The following MYT1L variants were observed in gnomAD, a reference collection of about 807,000 sequenced individuals.
MYT1L encodes myelin transcription factor 1-like protein.
MYT1L carries 12 observed loss-of-function variants against 126.7 expected under a neutral mutation model. That is an observed-to-expected ratio of 0.09 (90% CI 0.06 to 0.15). The LOEUF (loss-of-function observed/expected upper bound fraction) is 0.15. MYT1L is among the 10% of genes least tolerant of loss of function. MYT1L has a pLI of 1.00. For missense variants in MYT1L, 979 were observed against 1,585.2 expected, an observed-to-expected ratio of 0.62 and a Z score of 6.49; for synonymous variants, 541 against 604.2, an observed-to-expected ratio of 0.90 and a Z score of 1.53.
chr2:2,030,700 G>C (rs1450910989), intron 4 of MYT1L, among the ~76,000 whole-genome samples: 3 of 152,108 alleles, frequency 2.0e-5, no homozygotes, highest in African/African-American at 7.2e-5. Context: ...TTCTTCAATA[G>C]TTTCCTGAGA....
intron 8 of MYT1L, among the ~76,000 whole-genome samples, chr2:1,958,790 C>T (rs1293087620): frequency 6.6e-6 from 1 of 151,382 alleles, no homozygotes; most frequent in African/African-American, 2.4e-5. Context: ...TTCTCTGGCC[C>T]AACCGACTGC....
chr2:2,313,511 T>C (rs2096010075), intron 1 of MYT1L, among the ~76,000 whole-genome samples: 1 of 145,486 alleles, frequency 6.9e-6, no homozygotes, highest in South Asian at 2.3e-4. Flanking sequence ...TAGTTTAAAA[T>C]ACCTGTTTTT....
At position 1,929,994 on chromosome 2, in the gene MYT1L, C is replaced by A. The variant is rs1419633832; in HGVS notation, c.506-6731G>T. ...CATAGGAAGATCCGTGTTTAGCAGG[C>A]ATTCATCTGCTTCGAGTCAGAAAGA... On this transcript the variant is annotated intron_variant, in intron 9 of 24. Transcript: ENST00000647738. This position sits in a 1 kb window ranked among gnomAD's most constrained non-coding sequence, Gnocchi z 4.7. Among the ~76,000 whole-genome samples, 1 of 152,196 alleles carries A rather than the reference C, an allele frequency of 6.6e-6. No individual in the cohort carries two copies. Among genetic ancestry groups the A allele is most frequent in the African/African-American group, 2.4e-5 (1 of 41,458 alleles).
chr2:2,175,564 G>A (rs1003503047), intron 2 of MYT1L, among the ~76,000 whole-genome samples: 15 of 152,006 alleles, frequency 9.9e-5, no homozygotes, highest in African/African-American at 3.6e-4. Flanking sequence ...ACAAATGCCT[G>A]ACAAAAGCCC....
chr2:2,160,992 G>A lies in MYT1L; in HGVS notation c.-304+11880C>T, dbSNP rs191423008. On this transcript the variant is annotated intron_variant, in intron 3 of 24. Transcript: ENST00000647738. The stretch of plus-strand genomic sequence containing the variant: ...AGCACTTTGGGAGGCCAAGGCGGGC[G>A]GATCACTTGAGGTCAGGAGTTTGAG... Among the ~76,000 whole-genome samples, 92 of 152,182 alleles carry A rather than the reference G, an allele frequency of 6.0e-4. No individual in the cohort carries two copies. The East Asian group carries it at 0.015, about 25-fold the overall frequency.
At chr2:2,067,352 A>G (rs994469067) in intron 3 of MYT1L, among the ~76,000 whole-genome samples, 9 of 152,244 alleles carry the variant, frequency 5.9e-5, no homozygotes, top group African/African-American at 2.2e-4. Flanking sequence ...CTTAACAAGT[A>G]GAATGAAAAA....
intron 2 of MYT1L, among the ~76,000 whole-genome samples, chr2:2,220,421 T>C (rs1355691687): frequency 1.3e-5 from 2 of 151,962 alleles, no homozygotes; most frequent in Non-Finnish European, 2.9e-5. Context: ...AGAAGGGAAA[T>C]GTTCAGGTTA....
intron 8 of MYT1L, among the ~76,000 whole-genome samples, chr2:1,962,557 G>A (rs557047308): frequency 3.2e-4 from 49 of 152,152 alleles, no homozygotes; most frequent in African/African-American, 1.1e-3. Context: ...CACATCGATC[G>A]AGACTTCCTT....
chr2:2,123,511 G>C (rs541813844), intron 3 of MYT1L, among the ~76,000 whole-genome samples: 3 of 152,102 alleles, frequency 2.0e-5, no homozygotes, highest in African/African-American at 7.2e-5. Flanking sequence ...CTGTTCTCAC[G>C]ACACTGAGTT....
chr2:1,990,698 G>A (rs1454745655), intron 5 of MYT1L, among the ~76,000 whole-genome samples: 3 of 152,286 alleles, frequency 2.0e-5, no homozygotes, highest in Non-Finnish European at 4.4e-5. Context: ...AGAAGGGAGC[G>A]GCTTGGAGAG....
intron 22 of MYT1L, among the ~76,000 whole-genome samples, chr2:1,804,202 C>T (rs532189609): frequency 6.6e-6 from 1 of 152,266 alleles, no homozygotes; most frequent in East Asian, 1.9e-4. Context: ...CTCACTGCAA[C>T]CTCCACCTCT....
intron 8 of MYT1L, among the ~76,000 whole-genome samples, chr2:1,974,058 C>A (rs541752727): frequency 6.6e-6 from 1 of 152,358 alleles, no homozygotes; most frequent in African/African-American, 2.4e-5. Context: ...ACCGGGACAG[C>A]TTCTGTCTTC....
At chr2:2,033,678 G>C (rs2066660985) in intron 4 of MYT1L, among the ~76,000 whole-genome samples, 1 of 152,174 alleles carries the variant, frequency 6.6e-6, no homozygotes. Flanking sequence ...CATTCTAATA[G>C]AGGTGGGTGG....
At chr2:1,870,135 T>C (rs2046096621) in intron 18 of MYT1L, among the ~76,000 whole-genome samples, 1 of 152,164 alleles carries the variant, frequency 6.6e-6, no homozygotes, top group Admixed American at 6.5e-5. Context: ...ACTCTAGTAA[T>C]GAGAATTTCT....
chr2:1,830,210 CG>C (rs997486321), intron 21 of MYT1L, among the ~76,000 whole-genome samples: 5 of 152,090 alleles, frequency 3.3e-5, no homozygotes, highest in East Asian at 3.9e-4. Context: ...GAGTCACTCA[CG>C]GGGGGTCAGG....
At chr2:1,876,611 C>A (rs921943547) in intron 18 of MYT1L, among the ~76,000 whole-genome samples, 2 of 152,138 alleles carry the variant, frequency 1.3e-5, no homozygotes, top group African/African-American at 4.8e-5. Context: ...ACACTGAGTC[C>A]CCGCAGCTGA....
intron 8 of MYT1L, among the ~76,000 whole-genome samples, chr2:1,968,661 C>G (rs1343914862): frequency 6.6e-6 from 1 of 152,162 alleles, no homozygotes; most frequent in Non-Finnish European, 1.5e-5. Context: ...TCACACAGAG[C>G]CTGCCAGGCC....
intron 9 of MYT1L, among the ~76,000 whole-genome samples, chr2:1,925,561 C>T (rs778699849): frequency 1.3e-5 from 2 of 152,248 alleles, no homozygotes; most frequent in South Asian, 2.1e-4. Context: ...TACCTTCCCC[C>T]GACAAAATTA....
intron 3 of MYT1L, among the ~76,000 whole-genome samples, chr2:2,105,867 T>G (rs1267218374): frequency 6.6e-6 from 1 of 152,204 alleles, no homozygotes; most frequent in Non-Finnish European, 1.5e-5. Flanking sequence ...GTGGTTCATT[T>G]TAGAAGGCAG....
Sources: gnomAD v4.1 joint callset for allele counts (sites outside exome capture counted in the v4.1 genomes callset) on GRCh38, gnomAD v4.1.1 for gene constraint, Gnocchi (gnomAD v3.1) non-coding constraint, MANE v1.5 for transcripts, NCBI Gene and HGNC (gene_info 2026-07-23, HGNC 2026-07-21) for gene names.